ZNF780B: variants seen among roughly 807,000 people sequenced by gnomAD.
ZNF780B encodes the protein zinc finger protein 780B, also known as zinc finger protein 779.
In ZNF780B, 52 loss-of-function variants were observed where a neutral mutation model predicts 74.1. That is an observed-to-expected ratio of 0.70 (90% CI 0.56 to 0.88). ZNF780B has a LOEUF of 0.88. Among genes scored for constraint, ZNF780B ranks in the 40% least tolerant of loss-of-function variants. The pLI is 0.00. For missense variants in ZNF780B, 953 were observed against 1,007.6 expected (o/e 0.95, Z 0.73); for synonymous variants, 315 against 324.3 (o/e 0.97, Z 0.31).
chr19:40,048,213 C>T (rs1599790832), intron 3 of ZNF780B, among the ~76,000 whole-genome samples: 1 of 152,154 alleles, frequency 6.6e-6, no homozygotes, highest in Non-Finnish European at 1.5e-5. Flanking sequence ...GGCATGACCA[C>T]GGCTCTCTGC....
chr19:40,042,705 G>T (rs892215823), intron 4 of ZNF780B, among the ~76,000 whole-genome samples: 1 of 152,062 alleles, frequency 6.6e-6, no homozygotes, highest in African/African-American at 2.4e-5. Context: ...AGCTCCTGAG[G>T]CTTCTGCATT....
intron 3 of ZNF780B, 118 bp downstream of exon 3, chr19:40,048,552 T>G: frequency 6.5e-7 from 1 of 1,529,826 alleles, no homozygotes; most frequent in South Asian, 1.1e-5. Flanking sequence ...AATCCATTCC[T>G]TCGGGAATAA....
intron 3 of ZNF780B, among the ~76,000 whole-genome samples, chr19:40,048,160 T>C (rs1018431148): frequency 1.3e-5 from 2 of 152,208 alleles, no homozygotes; most frequent in African/African-American, 4.8e-5. Context: ...GTTTTGTTTT[T>C]TTGAGACAGT....
chr19:40,047,296 A>T (rs1390790519), intron 4 of ZNF780B, 79 bp downstream of exon 4: 1 of 1,258,778 alleles, frequency 7.9e-7, no homozygotes, highest in African/African-American at 1.5e-5. Context: ...ACCACATCTC[A>T]GGGGTGTGAC....
chr19:40,038,052 A>G (rs958396788), intron 4 of ZNF780B, among the ~76,000 whole-genome samples: 6 of 151,900 alleles, frequency 3.9e-5, no homozygotes, highest in Non-Finnish European at 5.9e-5. Flanking sequence ...TCCTAATGCT[A>G]TCCCTCCCCA....
chr19:40,038,248 C>G (rs1381773245), intron 4 of ZNF780B, among the ~76,000 whole-genome samples: 1 of 150,964 alleles, frequency 6.6e-6, no homozygotes, highest in Non-Finnish European at 1.5e-5. Flanking sequence ...ATGAACTCAT[C>G]ATTTTTTATG....
chr19:40,048,684 T>C lies in ZNF780B; in HGVS notation c.122A>G (p.His41Arg). ...YRDVMLENYSHLISLGSSISK... is the reference protein window; with the variant it reads ...YRDVMLENYSRLISLGSSISK... ...AATGACCTTACCCAGTGATATCAGG[T>C]GGCTGTAGTTCTCCAACATCACATC... Residue 41 changes from histidine (H) to arginine (R), a missense_variant, in exon 3 of 5, where the codon CAC becomes CGC. His to Arg is a conservative substitution (Grantham distance 29, BLOSUM62 0). Transcript: ENST00000434248. 7 of 1,614,072 alleles carry C rather than the reference T, an allele frequency of 4.3e-6. No homozygotes were observed. The highest frequency in any genetic ancestry group is 5.9e-6 in the Non-Finnish European group (7 of 1,180,002).
rs527530847 is a variant in ZNF780B at position 40,041,743 on chromosome 19, G to A, written c.233-5117C>T. 1.3e-4 allele frequency among the ~76,000 whole-genome samples: 19 copies of A among 151,648 alleles called. No individual in the cohort carries two copies. In the East Asian group the frequency reaches 1.7e-3, roughly 14 times the overall value. On this transcript the variant is annotated intron_variant, in intron 4 of 4. Transcript: ENST00000434248. Reference sequence around the variant, plus strand: ...AGGATTGCAACCCCTGCCTTTTTTTGTTTTCCATTTTCTTGGTAGATCTTC... The same window carrying A: ...AGGATTGCAACCCCTGCCTTTTTTTATTTTCCATTTTCTTGGTAGATCTTC...
rs757732427 is a variant in ZNF780B, at chr19:40,030,323, C to G, written c.*4034G>C. Reference sequence around the variant, plus strand: ...AGGGTGAGGAAGGAGGTGCCAGGCTCTTTTGTACAACCAGCTCTCATAGGA... The same window carrying G: ...AGGGTGAGGAAGGAGGTGCCAGGCTGTTTTGTACAACCAGCTCTCATAGGA... On this transcript the variant is annotated 3_prime_UTR_variant, in exon 5 of 5. Transcript: ENST00000434248. 2 of 152,324 alleles carry G rather than the reference C, an allele frequency of 1.3e-5. No individual in the cohort carries two copies. Among genetic ancestry groups the G allele is most frequent in the Non-Finnish European group, 2.9e-5 (2 of 68,160 alleles). The allele number at this position is 152,324 out of a possible 1,614,324, so 9.4% of individuals were successfully genotyped here.
Position 40,048,742 on chromosome 19 carries a change from A to G in ZNF780B, c.64T>C (p.Cys22Arg), listed in dbSNP as rs760379161. Residue 22 changes from cysteine to arginine, a missense_variant, in exon 3 of 5, where the codon TGC becomes CGC. Cys to Arg is a radical substitution (Grantham distance 180). Transcript: ENST00000434248. ...AAGGTCCTCTGATCAGGCTGCAGGC[A>G]CTCCCACTCCTCCTGAGAGAAGTCA... ...AIDFSQEEWE[C>R]LQPDQRTLYR... is the part of the protein sequence containing the mutation. 5 of 1,614,084 alleles carry G rather than the reference A, an allele frequency of 3.1e-6. No individual in the cohort carries two copies. The highest frequency in any genetic ancestry group is 4.2e-6 in the Non-Finnish European group (5 of 1,180,008).
At chr19:40,042,521 C>T (rs1340788615) in intron 4 of ZNF780B, among the ~76,000 whole-genome samples, 3 of 152,198 alleles carry the variant, frequency 2.0e-5, no homozygotes, top group Admixed American at 1.3e-4. Flanking sequence ...CCATTCTCTC[C>T]GTCACTTTCA....
chr19:40,041,513 G>A (rs1972637494), intron 4 of ZNF780B, among the ~76,000 whole-genome samples: 2 of 152,186 alleles, frequency 1.3e-5, no homozygotes, highest in African/African-American at 4.8e-5. Context: ...GGGTGTTAAA[G>A]TCTCCCATTA....
chr19:40,038,808 T>C (rs1599771381), intron 4 of ZNF780B, among the ~76,000 whole-genome samples: 2 of 151,694 alleles, frequency 1.3e-5, no homozygotes, highest in East Asian at 3.9e-4. Flanking sequence ...ATTCTGGATA[T>C]TAGCCCTTTG....
At position 40,035,358 on chromosome 19, in the gene ZNF780B, A is replaced by G. The variant is rs760659934; in HGVS notation, c.1501T>C (p.Phe501Leu). ...HKNIHTGEKP[F>L]ECKDCGKAFN... ...GCCTTCCCACAGTCTTTACATTCAA[A>G]TGGTTTCTCACCAGTATGAATGTTC... The change falls in exon 5 of 5, where the codon TTT becomes CTT. Residue 501 changes from phenylalanine (F) to leucine (L), a missense_variant. By Grantham distance (22) the Phe-to-Leu change is conservative. Coordinates refer to ENST00000434248, the MANE Select transcript of ZNF780B (RefSeq NM_001005851.3). 35 of 1,613,974 alleles carry G rather than the reference A, an allele frequency of 2.2e-5. 1 individual carries two copies. The Admixed American group carries it at 5.8e-4, about 27-fold the overall frequency.
At position 40,049,160 on chromosome 19, in the gene ZNF780B, G is replaced by C. The variant is rs147632006; in HGVS notation, c.10-364C>G. The C allele has an allele frequency of 6.5e-3, 1,357 of 210,112 alleles. 8 individuals carry two copies. Among genetic ancestry groups the C allele is most frequent in the Non-Finnish European group, 0.01 (1,090 of 104,484 alleles). The allele number at this position is 210,112 out of a possible 1,614,324, so 13.0% of individuals were successfully genotyped here. A position where few individuals can be genotyped will look rare whatever the true frequency, so the allele number is the denominator to read the frequency against. On this transcript the variant is annotated intron_variant, in intron 2 of 4. Transcript: ENST00000434248. ...GAGGTGGGAGTATTGCTTGAGCCTG[G>C]GAGTTCAATGCTGCAGCGAAGTGTG...
chr19:40,034,635 G>A lies in ZNF780B; in HGVS notation c.2224C>T (p.Gln742Ter), dbSNP rs774944692. ...KAFGLLTQLA[Q>*]HQIIHTGEKP... ...TCACCAGTATGAATGATCTGATGTTGAGCAAGCTGTGTCAGAAGACCAAAG... is the reference window on the plus strand; with the variant it reads ...TCACCAGTATGAATGATCTGATGTTAAGCAAGCTGTGTCAGAAGACCAAAG... The change falls in exon 5 of 5, where the codon CAA becomes TAA. Residue 742 changes from glutamine to a stop codon, truncating the protein, a stop_gained. Transcript: ENST00000434248. LOFTEE classifies it high-confidence loss of function. 9 of 1,613,756 alleles carry A rather than the reference G, an allele frequency of 5.6e-6. No homozygotes were observed. The East Asian group carries it at 1.6e-4, about 28-fold the overall frequency.
chr19:40,049,447 G>A (rs1973106851), intron 2 of ZNF780B, among the ~76,000 whole-genome samples: 2 of 152,004 alleles, frequency 1.3e-5, no homozygotes, highest in South Asian at 2.1e-4. Flanking sequence ...AGTCTCTAAG[G>A]TTTTCCCAAA....
At chr19:40,055,643 G>A (rs1973459963) in intron 1 of ZNF780B, 1 of 152,140 alleles carries the variant, frequency 6.6e-6, no homozygotes, top group South Asian at 2.1e-4. Flanking sequence ...TGGTTCCTGG[G>A]GACAGATCTC....
rs565606223 is a variant in ZNF780B, at chr19:40,036,146, C to A, written c.713G>T (p.Arg238Leu). ...CTTAACTGTGTGAATGTTCTTATGGCGATTAAGCTGGGTGGGAAGATTAAA... is the reference window on the plus strand; with the variant it reads ...CTTAACTGTGTGAATGTTCTTATGGAGATTAAGCTGGGTGGGAAGATTAAA... ...KAFNLPTQLN[R>L]HKNIHTVKKL... The change falls in exon 5 of 5, where the codon CGC becomes CTC. Residue 238 changes from arginine (R) to leucine (L), a missense_variant. By Grantham distance (102) the Arg-to-Leu change is moderately radical. Coordinates refer to ENST00000434248, the MANE Select transcript of ZNF780B (RefSeq NM_001005851.3). 6.2e-7 allele frequency: 1 copy of A among 1,613,854 alleles called. No homozygotes were observed. Among genetic ancestry groups the A allele is most frequent in the South Asian group, 1.1e-5 (1 of 91,018 alleles).
Sources: allele counts gnomAD v4.1 joint callset (sites outside exome capture counted in the v4.1 genomes callset), GRCh38; gene constraint gnomAD v4.1.1; transcripts MANE v1.5; gene names NCBI Gene and HGNC (gene_info 2026-07-23, HGNC 2026-07-21).